Variants in POMGNT1 observed in about 807,000 individuals in gnomAD.
POMGNT1 encodes the protein protein O-linked-mannose beta-1,2-N-acetylglucosaminyltransferase 1.
In POMGNT1, 67 loss-of-function variants were observed where a neutral mutation model predicts 95.6. The ratio of observed to expected loss-of-function variants is 0.70; its 90% CI spans 0.58 to 0.86. POMGNT1 has a LOEUF of 0.86. Ranked by LOEUF, POMGNT1 falls within the 40% of genes least tolerant of loss-of-function variation. POMGNT1 has a pLI of 0.00. For synonymous variants in POMGNT1, 298 were observed against 317.9 expected (o/e 0.94, Z 0.66); for missense variants, 719 against 855.2 (o/e 0.84, Z 1.99).
intron 1 of POMGNT1, among the ~76,000 whole-genome samples, chr1:46,215,819 C>T (rs1659047579): frequency 6.6e-6 from 1 of 152,060 alleles, no homozygotes; most frequent in Admixed American, 6.6e-5. Context: ...GTTGCTTGAG[C>T]TCAGGGGATC....
At position 46,219,590 on chromosome 1, in the gene POMGNT1, C is replaced by A; in HGVS notation, c.-51+115G>T. 4.1e-6 allele frequency: 5 copies of A among 1,210,672 alleles called. No homozygotes were observed. The South Asian group carries it at 8.1e-5, about 20-fold the overall frequency. The allele number at this position is 1,210,672 out of a possible 1,614,324, so 75.0% of individuals were successfully genotyped here. A position where few individuals can be genotyped will look rare whatever the true frequency, so the allele number is the denominator to read the frequency against. On this transcript the variant is annotated intron_variant, in intron 1 of 22. Transcript: ENST00000371992. ...CACTGCAAGCCGTTATAATTCCATC[C>A]GTCTTAAAGTGAAACATGGTTGGCT...
chr1:46,194,130 C>A, intron 9 of POMGNT1, 144 bp downstream of exon 9: 1 of 1,546,940 alleles, frequency 6.5e-7, no homozygotes, highest in South Asian at 1.2e-5. Context: ...TTCACCCCAG[C>A]CCTGTCTTTC....
At chr1:46,210,835 C>T (rs1658871250) in intron 1 of POMGNT1, among the ~76,000 whole-genome samples, 1 of 152,068 alleles carries the variant, frequency 6.6e-6, no homozygotes, top group Non-Finnish European at 1.5e-5. Flanking sequence ...AGTACAGTGG[C>T]TCAATCACAG....
intron 20 of POMGNT1, 72 bp downstream of exon 20, chr1:46,189,782 G>A: frequency 6.2e-7 from 1 of 1,602,054 alleles, no homozygotes; most frequent in African/African-American, 1.3e-5. Flanking sequence ...CAGAGCAAAG[G>A]CTCCCTGGAT....
At chr1:46,208,195 G>A (rs1658780760) in intron 1 of POMGNT1, among the ~76,000 whole-genome samples, 1 of 151,990 alleles carries the variant, frequency 6.6e-6, no homozygotes, top group African/African-American at 2.4e-5. Flanking sequence ...GTCTTGCTAT[G>A]TTGCCCAGGC....
intron 1 of POMGNT1, among the ~76,000 whole-genome samples, chr1:46,218,665 TTGTGCTTAGGGAAGG>T (rs1362470670): frequency 1.3e-5 from 2 of 152,296 alleles, no homozygotes; most frequent in Non-Finnish European, 2.9e-5. Context: ...AGGTTCAGAC[TTGTGCTTAGGGAAGG>T]TAACAGTGCA....
chr1:46,196,601 G>C lies in POMGNT1; in HGVS notation c.354+130C>G. On this transcript the variant is annotated intron_variant, in intron 4 of 21. Transcript: ENST00000371984. The surrounding 1 kb of genome is among the most constrained non-coding windows in gnomAD (Gnocchi z 4.4). ...AGTCCCAGTCTATAGATAAGGAATC[G>C]AGGACTCCAAAGTCACACAGCTAGA... 1 of 1,559,020 alleles carries C rather than the reference G, an allele frequency of 6.4e-7. No homozygotes were observed. The highest frequency in any genetic ancestry group is 8.7e-7 in the Non-Finnish European group (1 of 1,151,776).
At chr1:46,208,135 C>A (rs1658778191) in intron 1 of POMGNT1, among the ~76,000 whole-genome samples, 3 of 152,130 alleles carry the variant, frequency 2.0e-5, no homozygotes, top group Non-Finnish European at 4.4e-5. Flanking sequence ...GCTGGGATTA[C>A]AGGTGTGAGC....
chr1:46,217,831 T>G (rs1659114588), intron 1 of POMGNT1, among the ~76,000 whole-genome samples: 1 of 152,090 alleles, frequency 6.6e-6, no homozygotes, highest in African/African-American at 2.4e-5. Context: ...CACTCCAGCC[T>G]GGGCAACAAG....
upstream of POMGNT1, among the ~76,000 whole-genome samples, chr1:46,200,814 C>T (rs544461381): frequency 1.3e-3 from 202 of 152,352 alleles, 1 homozygote; most frequent in African/African-American, 4.8e-3. Flanking sequence ...CTATCCTTTT[C>T]TCCTTGCAAA....
Position 46,196,044 on chromosome 1 carries a change from C to A in POMGNT1, c.388G>T (p.Gly130Cys). 1 of 1,614,004 alleles carries A rather than the reference C, an allele frequency of 6.2e-7. No homozygotes were observed. Among genetic ancestry groups the A allele is most frequent in the Non-Finnish European group, 8.5e-7 (1 of 1,180,018 alleles). The change falls in exon 5 of 22, where the codon GGC becomes TGC. Residue 130 changes from glycine (G) to cysteine (C), a missense_variant. Around this residue, in one of 5 missense-constraint regions of POMGNT1, gnomAD observed 466 missense variants for 517.4 expected, o/e 0.90. Transcript: ENST00000371984. The surrounding 1 kb of genome is among the most constrained non-coding windows in gnomAD (Gnocchi z 4.4). ...LEDEAREQGR[G>C]IHVIVLNQAT... ...TGGTTGAGGACAATGACATGGATGC[C>A]CCGGCCCTGCTCCCGGGCCTCATCC... is the stretch of plus-strand genomic sequence containing the variant.
rs1285505849 is a variant in POMGNT1 at position 46,189,355 on chromosome 1, A to C, written c.1898T>G (p.Val633Gly). ...MVGVPASPYS[V>G]KKPPSVTPIF... The stretch of plus-strand genomic sequence containing the variant: ...TGGGGTGACTGAGGGTGGCTTCTTC[A>C]CTCTGGGAAAATAATACAAGAATGT... Residue 633 changes from valine (V) to glycine (G), a missense_variant and splice_region_variant, in exon 22 of 22, where the codon GTG becomes GGG. Transcript: ENST00000371984. The C allele has an allele frequency of 6.2e-7, 1 of 1,613,842 alleles. No homozygotes were observed. Among genetic ancestry groups the C allele is most frequent in the Non-Finnish European group, 8.5e-7 (1 of 1,179,988 alleles).
intron 8 of POMGNT1, 32 bp downstream of exon 8, chr1:46,194,521 G>T: frequency 6.2e-7 from 1 of 1,614,060 alleles, no homozygotes; most frequent in Non-Finnish European, 8.5e-7. Context: ...CCCAGCCCAG[G>T]CCCTGCCCCA....
intron 14 of POMGNT1, 93 bp from the exon 15 acceptor site, chr1:46,192,683 C>A (rs28611093): frequency 6.2e-7 from 1 of 1,600,350 alleles, no homozygotes; most frequent in Non-Finnish European, 8.5e-7. Context: ...GTCTCAGGAG[C>A]ACCTCCTTCC....
chr1:46,207,461 C>T (rs1396545241), intron 1 of POMGNT1, among the ~76,000 whole-genome samples: 1 of 152,136 alleles, frequency 6.6e-6, no homozygotes, highest in African/African-American at 2.4e-5. Context: ...TAGGTTATGG[C>T]CCTCTAGGTA....
At chr1:46,202,057 A>G (rs1401118108), upstream of POMGNT1, among the ~76,000 whole-genome samples, 2 of 151,226 alleles carry the variant, frequency 1.3e-5, no homozygotes, top group Non-Finnish European at 2.9e-5. Context: ...CCAATTGGCA[A>G]CCACTTTTAG....
intron 1 of POMGNT1, among the ~76,000 whole-genome samples, chr1:46,213,801 G>T (rs1658977356): frequency 6.6e-6 from 1 of 151,794 alleles, no homozygotes; most frequent in Non-Finnish European, 1.5e-5. Flanking sequence ...GATACTGACA[G>T]CCTTGCTTAC....
upstream of POMGNT1, among the ~76,000 whole-genome samples, chr1:46,201,565 G>A (rs1571677864): frequency 1.3e-5 from 2 of 151,960 alleles, no homozygotes; most frequent in South Asian, 4.2e-4. Context: ...CGGGCATGGT[G>A]GCACGTGCCT....
intron 1 of POMGNT1, among the ~76,000 whole-genome samples, chr1:46,204,437 G>A (rs143873222): frequency 6.6e-6 from 1 of 152,216 alleles, no homozygotes; most frequent in Non-Finnish European, 1.5e-5. Flanking sequence ...ATTTACACCT[G>A]CCACTACTTT....
Sources: allele counts gnomAD v4.1 joint callset (sites outside exome capture counted in the v4.1 genomes callset), GRCh38; gene constraint gnomAD v4.1.1; regional missense constraint gnomAD v4.1.1; non-coding constraint Gnocchi (gnomAD v3.1); transcripts MANE v1.5; gene names NCBI Gene and HGNC (gene_info 2026-07-23, HGNC 2026-07-21).